SCGB1D2: variants seen among roughly 807,000 people sequenced by gnomAD.
SCGB1D2 encodes the protein secretoglobin family 1D member 2.
In SCGB1D2, 10 loss-of-function variants were observed where a neutral mutation model predicts 10.5. The ratio of observed to expected loss-of-function variants is 0.95; its 90% CI spans 0.59 to 1.61. The LOEUF is 1.61. SCGB1D2 is among the 40% of genes most tolerant of loss of function. The pLI is 0.00. For missense variants in SCGB1D2, 113 were observed against 103.8 expected (o/e 1.09, Z -0.38); for synonymous variants, 42 against 42.8 (o/e 0.98, Z 0.08).
In SCGB1D2 at chr11:62,243,488, C is replaced by T. The variant is rs1414515155; in HGVS notation, c.243+12C>T. On this transcript the variant is annotated intron_variant, in intron 2 of 2. Coordinates refer to ENST00000244926, the MANE Select transcript of SCGB1D2 (RefSeq NM_006551.4). ...TTGCGGAAGTCCTGGTAACTTCTTT[C>T]TCCTTTATTTGTTAAGGCTTCTGGT... 1.9e-6 allele frequency: 3 copies of T among 1,607,720 alleles called. No individual in the cohort carries two copies. Among genetic ancestry groups the T allele is most frequent in the Non-Finnish European group, 2.6e-6 (3 of 1,176,116 alleles).
chr11:62,243,177 C>T, intron 1 of SCGB1D2, 112 bp from the exon 2 acceptor site: 1 of 794,080 alleles, frequency 1.3e-6, no homozygotes, highest in Non-Finnish European at 2.0e-6. Flanking sequence ...ATCAGCACAA[C>T]AAATGTATGT....
chr11:62,242,444 GT>G lies in SCGB1D2; in HGVS notation c.55+84del. On this transcript the variant is annotated intron_variant, in intron 1 of 2. Transcript: ENST00000244926. The stretch of plus-strand genomic sequence containing the variant: ...CACGAGGTCACCTATTCAGGCTGGG[GT>G]TAGGATCTGCACAAAACCAAAATTC... The G allele has an allele frequency of 2.1e-6, 3 of 1,455,076 alleles. No individual in the cohort carries two copies. In the South Asian group the frequency reaches 3.5e-5, roughly 17 times the overall value. 90.1% of individuals were successfully genotyped at this position (1,455,076 alleles called of 1,614,324 possible). A position where few individuals can be genotyped will look rare whatever the true frequency, so the allele number is the denominator to read the frequency against.
At position 62,242,598 on chromosome 11, in the gene SCGB1D2, G is replaced by A. The variant is rs147775921; in HGVS notation, c.55+236G>A. Among the ~76,000 whole-genome samples, 1,136 of 152,310 alleles carry A rather than the reference G, an allele frequency of 7.5e-3. 11 individuals are homozygous for A. The highest frequency in any genetic ancestry group is 0.026 in the African/African-American group (1,065 of 41,560). ...AAATATTAGGAATTCTTCTGCCTGA[G>A]CTTCACTCCTGGGTGGGATCTGTGT... is the stretch of plus-strand genomic sequence containing the variant. On this transcript the variant is annotated intron_variant, in intron 1 of 2. Transcript: ENST00000244926.
At chr11:62,244,622 A>C (rs1246192423) in intron 2 of SCGB1D2, 48 bp from the exon 3 acceptor site, 1 of 1,573,912 alleles carries the variant, frequency 6.4e-7, no homozygotes, top group Non-Finnish European at 8.7e-7. Flanking sequence ...TGTCACCTCC[A>C]GCAGCAGCAT....
In SCGB1D2 at chr11:62,244,714, C is replaced by T; in HGVS notation, c.*15C>T. 1 of 1,608,006 alleles carries T rather than the reference C, an allele frequency of 6.2e-7. No individual in the cohort carries two copies. Among genetic ancestry groups the T allele is most frequent in the Non-Finnish European group, 8.5e-7 (1 of 1,174,720 alleles). Reference sequence around the variant, plus strand: ...GTAGTGTGTGACATGTAAAAACTTTCATCCTGGTTTCCACTGTCTTTCAAT... The same window carrying T: ...GTAGTGTGTGACATGTAAAAACTTTTATCCTGGTTTCCACTGTCTTTCAAT... On this transcript the variant is annotated 3_prime_UTR_variant, in exon 3 of 3. Transcript: ENST00000244926.
intron 2 of SCGB1D2, 56 bp downstream of exon 2, chr11:62,243,532 T>C (rs1945082331): frequency 6.9e-7 from 1 of 1,458,258 alleles, no homozygotes; most frequent in Non-Finnish European, 9.4e-7. Flanking sequence ...CAGTATGAAG[T>C]GAGGTCAGCT....
chr11:62,242,421 C>T (rs2097399128), intron 1 of SCGB1D2, 59 bp downstream of exon 1: 16 of 1,559,298 alleles, frequency 1.0e-5, no homozygotes, highest in Middle Eastern at 1.7e-4. Context: ...CTTCCAAGCA[C>T]GAGGTCACCT....
At chr11:62,242,421 C>G in intron 1 of SCGB1D2, 59 bp downstream of exon 1, 1 of 1,559,302 alleles carries the variant, frequency 6.4e-7, no homozygotes, top group Non-Finnish European at 8.8e-7. Flanking sequence ...CTTCCAAGCA[C>G]GAGGTCACCT....
chr11:62,244,810 G>A lies in SCGB1D2; in HGVS notation c.*111G>A, dbSNP rs151306435. ...CTTTAATAAATCACTTGCTCTCCAC[G>A]TCTCCACTGGTCTTGTTATAATCCT... On this transcript the variant is annotated 3_prime_UTR_variant, in exon 3 of 3. Transcript: ENST00000244926. The A allele has an allele frequency of 3.5e-5, 32 of 921,364 alleles. No individual in the cohort carries two copies. Among genetic ancestry groups the A allele is most frequent in the Non-Finnish European group, 4.9e-5 (28 of 574,028 alleles). The allele number at this position is 921,364 out of a possible 1,614,324, so 57.1% of individuals were successfully genotyped here.
Position 62,243,249 on chromosome 11 carries a change from C to G in SCGB1D2, c.56-40C>G, listed in dbSNP as rs868379098. 7 of 1,570,534 alleles carry G rather than the reference C, an allele frequency of 4.5e-6. 1 individual carries two copies. In the Middle Eastern group the frequency reaches 8.4e-4, roughly 188 times the overall value. ...TCAGGGAGCCAAAGAGAAAAATCGA[C>G]TTTCCTAACATCAACTATATTTTTA... is the stretch of plus-strand genomic sequence containing the variant. On this transcript the variant is annotated intron_variant, in intron 1 of 2. Coordinates refer to ENST00000244926, the MANE Select transcript of SCGB1D2 (RefSeq NM_006551.4).
In SCGB1D2 at chr11:62,244,699, A is replaced by G; in HGVS notation, c.273A>G (p.Ter91TrpextTer14). The change falls in exon 3 of 3, where the codon TGA (stop) becomes TGG (tryptophan). Residue 91 changes from the stop codon to tryptophan (W), a stop_lost. Transcript: ENST00000244926. Reference sequence around the variant, plus strand: ...AAATATTGAAGAAATGTAGTGTGTGACATGTAAAAACTTTCATCCTGGTTT... The same window carrying G: ...AAATATTGAAGAAATGTAGTGTGTGGCATGTAAAAACTTTCATCCTGGTTT... Reference protein sequence around the residue: ...LVKILKKCSV* With the variant: ...LVKILKKCSVW The G allele has an allele frequency of 1.9e-6, 3 of 1,612,408 alleles. No individual in the cohort carries two copies. The highest frequency in any genetic ancestry group is 2.5e-6 in the Non-Finnish European group (3 of 1,178,678).
intron 2 of SCGB1D2, 143 bp from the exon 3 acceptor site, chr11:62,244,527 C>T (rs1945092809): frequency 1.3e-5 from 9 of 699,644 alleles, no homozygotes; most frequent in East Asian, 2.6e-5. Flanking sequence ...CAGGTCTAGG[C>T]CTCAGTTTCC....
intron 1 of SCGB1D2, among the ~76,000 whole-genome samples, chr11:62,242,819 GGCTCATGCCTGTAATCCTA>G (rs1352000811): frequency 6.6e-6 from 1 of 152,192 alleles, no homozygotes; most frequent in African/African-American, 2.4e-5. Flanking sequence ...TAAGCATGGC[GGCTCATGCCTGTAATCCTA>G]GCACTTTGGA....
chr11:62,244,110 T>C (rs1489677806), intron 2 of SCGB1D2, among the ~76,000 whole-genome samples: 2 of 152,142 alleles, frequency 1.3e-5, no homozygotes. Flanking sequence ...TCTCACTCTG[T>C]CTTTCTCAAG....
Position 62,242,251 on chromosome 11 carries a change from T to C in SCGB1D2, c.-57T>C, listed in dbSNP as rs1590664135. ...TCTGCAGCTCCACAGGCTCCTGGGG[T>C]GGAGTCCAAATCACTCATTGTTTGT... On this transcript the variant is annotated 5_prime_UTR_variant, in exon 1 of 3. Transcript: ENST00000244926. The C allele has an allele frequency of 1.3e-6, 2 of 1,589,424 alleles. No individual in the cohort carries two copies. Among genetic ancestry groups the C allele is most frequent in the Admixed American group, 1.7e-5 (1 of 59,888 alleles).
intron 2 of SCGB1D2, among the ~76,000 whole-genome samples, chr11:62,244,019 C>A (rs970128804): frequency 3.3e-5 from 5 of 152,086 alleles, no homozygotes; most frequent in Non-Finnish European, 7.4e-5. Flanking sequence ...CCCCTCCACA[C>A]CCACGACACT....
Sources: gnomAD v4.1 joint callset for allele counts (sites outside exome capture counted in the v4.1 genomes callset) on GRCh38, gnomAD v4.1.1 for gene constraint, MANE v1.5 for transcripts, NCBI Gene and HGNC (gene_info 2026-07-23, HGNC 2026-07-21) for gene names.